AGTPBP1: variants seen among roughly 807,000 people sequenced by gnomAD.
The protein encoded by AGTPBP1 is ATP/GTP binding carboxypeptidase 1, also known as cytosolic carboxypeptidase 1.
Under a neutral mutation model 143.9 loss-of-function variants are expected in AGTPBP1, and 70 were observed. The ratio of observed to expected loss-of-function variants is 0.49; its 90% CI spans 0.40 to 0.59. The LOEUF is 0.59. Ranked by LOEUF, AGTPBP1 falls within the 20% of genes least tolerant of loss-of-function variation. AGTPBP1 has a pLI of 0.00. For missense variants in AGTPBP1, 1,229 were observed against 1,464.5 expected (o/e 0.84, Z 2.62); for synonymous variants, 463 against 500.2 (o/e 0.93, Z 0.99).
intron 7 of AGTPBP1, among the ~76,000 whole-genome samples, chr9:85,670,126 T>A (rs1330928426): frequency 2.6e-5 from 4 of 151,802 alleles, no homozygotes; most frequent in African/African-American, 9.7e-5. Flanking sequence ...GGAGTAGAGG[T>A]AAAGGGGTAG....
the AGTPBP1 span, chr9:85,805,436 G>C: frequency 1.3e-5 from 2 of 151,904 alleles, no homozygotes; most frequent in Admixed American, 1.3e-4. Flanking sequence ...CCCAGCCTGT[G>C]GGCCGACCGC....
intron 2 of AGTPBP1, 60 bp from the exon 3 acceptor site, chr9:85,692,873 T>C (rs1316615222): frequency 1.9e-6 from 3 of 1,553,208 alleles, no homozygotes; most frequent in Admixed American, 1.9e-5. Flanking sequence ...TTCAATACTA[T>C]AACGATCACT....
chr9:85,697,445 G>GTTTTTTTTT lies in AGTPBP1; in HGVS notation c.33-4641_33-4633dup, dbSNP rs758082233. Among the ~76,000 whole-genome samples, 183 of 65,072 alleles carry GTTTTTTTTT rather than the reference G, an allele frequency of 2.8e-3. 4 individuals are homozygous for GTTTTTTTTT. Among genetic ancestry groups the GTTTTTTTTT allele is most frequent in the East Asian group, 6.0e-3 (11 of 1,842 alleles). The allele number at this position is 65,072 out of a possible 152,430, so 42.7% of individuals were successfully genotyped here. ...AATTATGGGTCTTAATTTGTTTTTTGTTTTTTTTTTTTTTTTTTTTTTTTT... is the reference window on the plus strand; with the variant it reads ...AATTATGGGTCTTAATTTGTTTTTTGTTTTTTTTTTTTTTTTTTTTTTTTTTTTTTTTTT... On this transcript the variant is annotated intron_variant, in intron 2 of 25. Transcript: ENST00000357081.
At chr9:85,791,146 G>A in the AGTPBP1 span, among the ~76,000 whole-genome samples, 2 of 152,102 alleles carry the variant, frequency 1.3e-5, no homozygotes, top group South Asian at 2.1e-4. Flanking sequence ...TTGGGAGGCT[G>A]AGGCAGGTGG....
intron 1 of AGTPBP1, among the ~76,000 whole-genome samples, chr9:85,717,820 C>T (rs556972383): frequency 1.3e-5 from 2 of 151,996 alleles, no homozygotes; most frequent in South Asian, 4.2e-4. Context: ...TAATGCTATC[C>T]CTCCCACAGC....
chr9:85,799,318 T>C, the AGTPBP1 span, among the ~76,000 whole-genome samples: 1 of 152,166 alleles, frequency 6.6e-6, no homozygotes, highest in Admixed American at 6.5e-5. Flanking sequence ...TATAGTAGCA[T>C]GATTTACAAT....
chr9:85,657,932 C>G (rs563736743), intron 9 of AGTPBP1, among the ~76,000 whole-genome samples: 90 of 152,124 alleles, frequency 5.9e-4, no homozygotes, highest in African/African-American at 2.1e-3. Flanking sequence ...CTTTTGTTTA[C>G]TAACAAAAGC....
the AGTPBP1 span, among the ~76,000 whole-genome samples, chr9:85,753,943 G>T: frequency 6.6e-6 from 1 of 152,102 alleles, no homozygotes; most frequent in African/African-American, 2.4e-5. Context: ...ATGCAGGTTT[G>T]TTAGATGGGT....
At chr9:85,800,629 G>T in the AGTPBP1 span, among the ~76,000 whole-genome samples, 3 of 152,250 alleles carry the variant, frequency 2.0e-5, no homozygotes, top group African/African-American at 2.4e-5. Flanking sequence ...AATGCACTAT[G>T]CTTAACCAGA....
intron 11 of AGTPBP1, among the ~76,000 whole-genome samples, chr9:85,652,453 A>G (rs1833226677): frequency 1.3e-5 from 2 of 152,096 alleles, no homozygotes; most frequent in African/African-American, 4.8e-5. Flanking sequence ...CGGACGCTGC[A>G]GTGAGCTGAG....
At chr9:85,642,989 A>T (rs1452612418) in intron 12 of AGTPBP1, 46 bp from the exon 13 acceptor site, 3 of 1,306,396 alleles carry the variant, frequency 2.3e-6, no homozygotes, top group East Asian at 2.4e-5. Context: ...CAAAATTTTT[A>T]AAAATTACAG....
Position 85,592,572 on chromosome 9 carries a change from A to G in AGTPBP1, c.2556T>C (p.Tyr852=). 6.3e-7 allele frequency: 1 copy of G among 1,595,632 alleles called. No homozygotes were observed. Among genetic ancestry groups the G allele is most frequent in the South Asian group, 1.2e-5 (1 of 86,146 alleles). ...CYFAYHYPYT[Y]STLQMHLQKL... ...TTAGAGTTCTTACCTGTAAAGTTGA[A>G]TACGTATATGGATAGTGATAAGCAA... Residue 852 remains tyrosine (Y), a synonymous_variant, in exon 19 of 26, where the codon TAT becomes TAC. Transcript: ENST00000357081.
chr9:85,665,973 TAG>T (rs1282738683), intron 8 of AGTPBP1, among the ~76,000 whole-genome samples: 2 of 152,186 alleles, frequency 1.3e-5, no homozygotes, highest in African/African-American at 4.8e-5. Context: ...TTTAAAATGT[TAG>T]ATTTATTGAA....
chr9:85,800,863 T>C, the AGTPBP1 span, among the ~76,000 whole-genome samples: 3 of 150,764 alleles, frequency 2.0e-5, no homozygotes, highest in African/African-American at 7.3e-5. Flanking sequence ...ATCCTCACAA[T>C]AACCTCATAA....
chr9:85,779,228 TAGA>T, the AGTPBP1 span, among the ~76,000 whole-genome samples: 6 of 132,886 alleles, frequency 4.5e-5, no homozygotes, highest in Non-Finnish European at 7.5e-5. Context: ...GATATAGATA[TAGA>T]TATAGATATA....
At chr9:85,767,233 G>T in the AGTPBP1 span, among the ~76,000 whole-genome samples, 2 of 139,386 alleles carry the variant, frequency 1.4e-5, no homozygotes, top group South Asian at 4.5e-4. Context: ...CACTCAGGCT[G>T]GAGTGCAGTG....
At chr9:85,582,159 T>C (rs2133125780) in intron 23 of AGTPBP1, among the ~76,000 whole-genome samples, 1 of 152,298 alleles carries the variant, frequency 6.6e-6, no homozygotes. Context: ...TTAACCATAG[T>C]TCAGTATCAG....
intron 25 of AGTPBP1, among the ~76,000 whole-genome samples, chr9:85,572,463 AAAAT>A (rs1407914583): frequency 3.3e-5 from 5 of 152,246 alleles, no homozygotes; most frequent in Admixed American, 2.6e-4. Context: ...TATATAAAAC[AAAAT>A]AAATATGATT....
intron 25 of AGTPBP1, among the ~76,000 whole-genome samples, chr9:85,560,227 A>C (rs1400183016): frequency 6.6e-6 from 1 of 152,212 alleles, no homozygotes; most frequent in Non-Finnish European, 1.5e-5. Flanking sequence ...AAGGGAAAAA[A>C]AATGCTGATT....
Sources: gnomAD v4.1 joint callset for allele counts (sites outside exome capture counted in the v4.1 genomes callset) on GRCh38, gnomAD v4.1.1 for gene constraint, MANE v1.5 for transcripts, NCBI Gene and HGNC (gene_info 2026-07-23, HGNC 2026-07-21) for gene names.